The following DDR2 variants were observed in gnomAD, a reference collection of about 807,000 sequenced individuals.
The protein encoded by DDR2 is discoidin domain receptor tyrosine kinase 2.
DDR2 carries 27 observed loss-of-function variants against 94.9 expected under a neutral mutation model. The observed-to-expected ratio is 0.28, with a 90% confidence interval of 0.21 to 0.39. DDR2 has a LOEUF of 0.39. Among genes scored for constraint, DDR2 ranks in the 10% least tolerant of loss-of-function variants. The pLI is 1.00. For missense variants in DDR2, 783 were observed against 1,076.0 expected, an observed-to-expected ratio of 0.73 and a Z score of 3.81; for synonymous variants, 382 against 377.2, an observed-to-expected ratio of 1.01 and a Z score of -0.15.
At chr1:162,707,059 G>T (rs1424354299) in intron 2 of DDR2, among the ~76,000 whole-genome samples, 1 of 152,154 alleles carries the variant, frequency 6.6e-6, no homozygotes, top group Non-Finnish European at 1.5e-5. Flanking sequence ...TAATCCAACT[G>T]CTGAATGAGG....
chr1:162,740,371 A>G (rs1330374698), intron 3 of DDR2, among the ~76,000 whole-genome samples: 3 of 152,210 alleles, frequency 2.0e-5, no homozygotes, highest in Non-Finnish European at 4.4e-5. Context: ...TAATAACTTT[A>G]ACTAGTTTTT....
intron 1 of DDR2, among the ~76,000 whole-genome samples, chr1:162,647,398 AG>A (rs1657467798): frequency 6.6e-6 from 1 of 151,312 alleles, no homozygotes; most frequent in Admixed American, 6.6e-5. Flanking sequence ...GTTACCGGCA[AG>A]GGGTCCCAAT....
Position 162,767,344 on chromosome 1 carries a change from G to A in DDR2, c.1278G>A (p.Gln426=). 1 of 1,613,980 alleles carries A rather than the reference G, an allele frequency of 6.2e-7. No homozygotes were observed. The highest frequency in any genetic ancestry group is 8.5e-7 in the Non-Finnish European group (1 of 1,179,988). Residue 426 remains glutamine (Q), a synonymous_variant, in exon 11 of 18, where the codon CAG becomes CAA. Coordinates refer to ENST00000367921, the MANE Select transcript of DDR2 (RefSeq NM_006182.4). ...IVIILWRQFW[Q]KMLEKASRRM... is the part of the protein sequence containing the mutation. ...TCATCCTCTGGAGGCAGTTCTGGCA[G>A]AAAATGCTGGAGAAGGTGAGGAGGT...
chr1:162,755,377 C>T (rs1196599117), intron 6 of DDR2, 74 bp downstream of exon 6: 2 of 1,571,938 alleles, frequency 1.3e-6, no homozygotes, highest in African/African-American at 2.7e-5. Context: ...GCAATCAAAT[C>T]AGAAAGGGAT....
chr1:162,670,985 C>A (rs1042068900), intron 2 of DDR2, among the ~76,000 whole-genome samples: 4 of 152,184 alleles, frequency 2.6e-5, no homozygotes, highest in Non-Finnish European at 4.4e-5. Flanking sequence ...TGTATTTAAC[C>A]TTTTCTTCAT....
At chr1:162,684,781 C>T (rs1659585835) in intron 2 of DDR2, among the ~76,000 whole-genome samples, 1 of 150,596 alleles carries the variant, frequency 6.6e-6, no homozygotes, top group Admixed American at 6.7e-5. Context: ...ACCACATACA[C>T]AGAGCACAGA....
chr1:162,718,910 A>G, intron 2 of DDR2, 127 bp from the exon 3 acceptor site: 2 of 903,568 alleles, frequency 2.2e-6, no homozygotes, highest in Non-Finnish European at 1.8e-6. Context: ...AGTCCCATAT[A>G]TAAAAACAAA....
At chr1:162,679,597 G>A (rs544643638) in intron 2 of DDR2, among the ~76,000 whole-genome samples, 2 of 152,138 alleles carry the variant, frequency 1.3e-5, no homozygotes, top group African/African-American at 4.8e-5. Context: ...ATTGTGGATA[G>A]TGCTGCAATG....
chr1:162,779,059 T>C (rs951317476), intron 17 of DDR2, among the ~76,000 whole-genome samples: 3 of 152,164 alleles, frequency 2.0e-5, no homozygotes, highest in Non-Finnish European at 4.4e-5. Flanking sequence ...TTCTTCTGGG[T>C]CAAAAAATAA....
At chr1:162,690,648 CT>C (rs1659922252) in intron 2 of DDR2, among the ~76,000 whole-genome samples, 1 of 152,284 alleles carries the variant, frequency 6.6e-6, no homozygotes, top group African/African-American at 2.4e-5. Context: ...ACCCACACAT[CT>C]TTTTATAAAC....
At chr1:162,644,609 T>G (rs943974744) in intron 1 of DDR2, among the ~76,000 whole-genome samples, 3 of 152,128 alleles carry the variant, frequency 2.0e-5, no homozygotes, top group African/African-American at 7.2e-5. Context: ...TACCTTTTTT[T>G]TTTTTTTGAG....
At chr1:162,704,268 C>T (rs960199513) in intron 2 of DDR2, among the ~76,000 whole-genome samples, 5 of 152,156 alleles carry the variant, frequency 3.3e-5, no homozygotes, top group Non-Finnish European at 7.3e-5. Flanking sequence ...CTGTTCCATT[C>T]CCCAATCACC....
chr1:162,754,859 G>A lies in DDR2; in HGVS notation c.417+4G>A, dbSNP rs2102135203. Reference sequence around the variant, plus strand: ...GCGGAACCGTCATGGGAAACAGGTAGGAAGAAGAGACATCCAGATCCTGGA... The same window carrying A: ...GCGGAACCGTCATGGGAAACAGGTAAGAAGAAGAGACATCCAGATCCTGGA... On this transcript the variant is annotated splice_donor_region_variant and intron_variant, in intron 5 of 17. Coordinates refer to ENST00000367921, the MANE Select transcript of DDR2 (RefSeq NM_006182.4). 1 of 1,613,982 alleles carries A rather than the reference G, an allele frequency of 6.2e-7. No individual in the cohort carries two copies. The highest frequency in any genetic ancestry group is 1.1e-5 in the South Asian group (1 of 91,060).
At chr1:162,741,849 G>A (rs1399921478) in intron 3 of DDR2, 1 of 663,306 alleles carries the variant, frequency 1.5e-6, no homozygotes, top group African/African-American at 2.0e-5. Context: ...AGTCACTGGT[G>A]ACAAGGACTA....
chr1:162,752,046 A>G (rs1014525138), intron 3 of DDR2, among the ~76,000 whole-genome samples: 2 of 152,120 alleles, frequency 1.3e-5, no homozygotes, highest in African/African-American at 4.8e-5. Context: ...ACCTATTGTA[A>G]ATGACGAGTT....
intron 2 of DDR2, among the ~76,000 whole-genome samples, chr1:162,663,846 G>GAAGATAATGATTTT (rs1658419744): frequency 1.3e-5 from 2 of 152,150 alleles, no homozygotes; most frequent in Non-Finnish European, 2.9e-5. Flanking sequence ...AAACACACAG[G>GAAGATAATGATTTT]CCGTGAAAAT....
At chr1:162,673,606 TGTGA>T (rs1425536583) in intron 2 of DDR2, among the ~76,000 whole-genome samples, 80 of 101,084 alleles carry the variant, frequency 7.9e-4, no homozygotes, top group South Asian at 3.9e-3. Flanking sequence ...TGTGTGTGTG[TGTGA>T]GAGAGAGAGA....
rs765330930 is a variant in DDR2, at chr1:162,761,315, C to A, written c.960C>A (p.Phe320Leu). The A allele has an allele frequency of 4.3e-6, 7 of 1,614,068 alleles. No homozygotes were observed. The African/African-American group carries it at 9.3e-5, about 22-fold the overall frequency. Reference protein sequence around the residue: ...ASEWEPNAISFPLVLDDVNPS... With the variant: ...ASEWEPNAISLPLVLDDVNPS... ...AGTGGGAACCTAATGCCATTTCCTT[C>A]CCCCTTGTCCTGGATGACGTCAACC... The change falls in exon 9 of 18, where the codon TTC becomes TTA. Residue 320 changes from phenylalanine (F) to leucine (L), a missense_variant. Around this residue, in one of 2 missense-constraint regions of DDR2, gnomAD observed 519 missense variants for 647.9 expected, o/e 0.80. Transcript: ENST00000367921.
At chr1:162,686,690 G>A (rs1215210763) in intron 2 of DDR2, among the ~76,000 whole-genome samples, 1 of 152,174 alleles carries the variant, frequency 6.6e-6, no homozygotes, top group Non-Finnish European at 1.5e-5. Context: ...GTGTGCATGT[G>A]CCTTTATAGT....
Sources: allele counts gnomAD v4.1 joint callset (sites outside exome capture counted in the v4.1 genomes callset), GRCh38; gene constraint gnomAD v4.1.1; regional missense constraint gnomAD v4.1.1; transcripts MANE v1.5; gene names NCBI Gene and HGNC (gene_info 2026-07-23, HGNC 2026-07-21).